Variants in GRM5 observed in about 807,000 individuals in gnomAD.
GRM5 encodes the protein glutamate metabotropic receptor 5, also known as metabotropic glutamate receptor 5.
GRM5 carries 19 observed loss-of-function variants against 83.1 expected under a neutral mutation model. The ratio of observed to expected loss-of-function variants is 0.23; its 90% confidence interval spans 0.16 to 0.34. The LOEUF (loss-of-function observed/expected upper bound fraction) is 0.34, where lower values mean the gene tolerates loss of function less well. Ranked by LOEUF, GRM5 falls within the 10% of genes least tolerant of loss-of-function variation. The pLI, the probability that GRM5 is intolerant of heterozygous loss-of-function variation, is 1.00. For missense variants in GRM5, 1,160 were observed against 1,588.3 expected, an observed-to-expected ratio of 0.73 and a Z score of 4.58; for synonymous variants, 675 against 633.6, an observed-to-expected ratio of 1.07 and a Z score of -0.98.
intron 3 of GRM5, among the ~76,000 whole-genome samples, chr11:88,785,530 T>G (rs1199725781): frequency 6.6e-6 from 1 of 152,064 alleles, no homozygotes; most frequent in Non-Finnish European, 1.5e-5. Context: ...GTTAAAATAA[T>G]TAGGCAGATG....
intron 3 of GRM5, among the ~76,000 whole-genome samples, chr11:88,787,894 T>C (rs142098189): frequency 2.6e-5 from 4 of 152,194 alleles, no homozygotes; most frequent in Non-Finnish European, 5.9e-5. Flanking sequence ...GAAAGGCTTA[T>C]GTGATATCCA....
chr11:88,672,105 C>A (rs1007556115), intron 3 of GRM5, among the ~76,000 whole-genome samples: 2 of 152,002 alleles, frequency 1.3e-5, no homozygotes, highest in South Asian at 2.1e-4. Context: ...ATCTTTAAGA[C>A]TGTCTTGGAG....
At chr11:88,922,785 G>A (rs1280553867) in intron 2 of GRM5, among the ~76,000 whole-genome samples, 1 of 152,104 alleles carries the variant, frequency 6.6e-6, no homozygotes, top group Non-Finnish European at 1.5e-5. Flanking sequence ...ACAAAGTGAA[G>A]AGACAACCCA....
chr11:88,569,630 C>G (rs1160799926), intron 7 of GRM5, among the ~76,000 whole-genome samples: 1 of 152,104 alleles, frequency 6.6e-6, no homozygotes, highest in African/African-American at 2.4e-5. Flanking sequence ...GGCTACAGCT[C>G]CAGCAGTTGT....
At chr11:88,674,595 C>T (rs1940276292) in intron 3 of GRM5, among the ~76,000 whole-genome samples, 1 of 151,844 alleles carries the variant, frequency 6.6e-6, no homozygotes, top group South Asian at 2.1e-4. Context: ...ACCATTGTTC[C>T]TCTAATTGTT....
At chr11:89,053,091 C>T (rs1437261572) in intron 1 of GRM5, among the ~76,000 whole-genome samples, 2 of 152,074 alleles carry the variant, frequency 1.3e-5, no homozygotes, top group African/African-American at 2.4e-5. Flanking sequence ...CACCCAGACA[C>T]AATTTGAACA....
chr11:88,849,747 T>C (rs1944357530), intron 3 of GRM5, among the ~76,000 whole-genome samples, 159 bp downstream of exon 3: 1 of 152,204 alleles, frequency 6.6e-6, no homozygotes, highest in African/African-American at 2.4e-5. Flanking sequence ...TTATTTTCCA[T>C]GATTTTCTCC....
intron 2 of GRM5, among the ~76,000 whole-genome samples, chr11:88,944,042 C>T (rs1198702124): frequency 6.6e-6 from 1 of 151,832 alleles, no homozygotes; most frequent in African/African-American, 2.4e-5. Context: ...AATAGATGAT[C>T]CTAAAGTTGT....
In GRM5 at chr11:88,973,400, T is replaced by C. The variant is rs182846228; in HGVS notation, c.661+73812A>G. Among the ~76,000 whole-genome samples the C allele has an allele frequency of 7.7e-3, 1,165 of 152,264 alleles. 10 individuals are homozygous for C. Among genetic ancestry groups the C allele is most frequent in the Non-Finnish European group, 0.014 (949 of 68,006 alleles). On this transcript the variant is annotated intron_variant, in intron 2 of 9. Coordinates refer to ENST00000305447, the MANE Select transcript of GRM5 (RefSeq NM_001143831.3). ...TAATGATTTTGAGACTGGGAGATTA[T>C]CTTGGATTGTTCAGGTGGGCCCTAA...
chr11:88,938,684 T>C (rs531233293), intron 2 of GRM5, among the ~76,000 whole-genome samples: 1 of 151,654 alleles, frequency 6.6e-6, no homozygotes, highest in Admixed American at 6.6e-5. Flanking sequence ...ACACTGTTTA[T>C]CTACTCACTG....
At chr11:89,061,363 A>G (rs1308216235) in intron 1 of GRM5, among the ~76,000 whole-genome samples, 1 of 152,182 alleles carries the variant, frequency 6.6e-6, no homozygotes, top group Admixed American at 6.6e-5. Flanking sequence ...CATTTTATTG[A>G]CACTTAATTT....
At chr11:88,687,346 T>G (rs78415435) in intron 3 of GRM5, among the ~76,000 whole-genome samples, 21,774 of 147,102 alleles carry the variant, frequency 0.15, 2,007 homozygotes, top group Middle Eastern at 0.22. Context: ...GCATGGTGGC[T>G]GGTGCCTGTA....
chr11:88,826,597 A>T (rs1348672430), intron 3 of GRM5, among the ~76,000 whole-genome samples: 1 of 152,166 alleles, frequency 6.6e-6, no homozygotes, highest in Admixed American at 6.6e-5. Flanking sequence ...CCATCTGGAC[A>T]TATTGTCACT....
At chr11:89,059,027 A>G (rs1038741650) in intron 1 of GRM5, among the ~76,000 whole-genome samples, 10 of 152,136 alleles carry the variant, frequency 6.6e-5, no homozygotes, top group Non-Finnish European at 1.5e-4. Flanking sequence ...ATTTTTGATT[A>G]TTCTTCTGTA....
chr11:88,528,422 A>G (rs1283579251), intron 8 of GRM5, among the ~76,000 whole-genome samples: 2 of 152,088 alleles, frequency 1.3e-5, no homozygotes, highest in Non-Finnish European at 2.9e-5. Flanking sequence ...CCCATTTACC[A>G]GTAATGTGCT....
chr11:88,674,163 A>C (rs1359064671), intron 3 of GRM5, among the ~76,000 whole-genome samples: 2 of 151,820 alleles, frequency 1.3e-5, no homozygotes, highest in Non-Finnish European at 2.9e-5. Context: ...GCTGCATTTG[A>C]GATGGTTGAC....
chr11:88,624,087 T>C (rs1170273854), intron 4 of GRM5, among the ~76,000 whole-genome samples: 2 of 152,180 alleles, frequency 1.3e-5, no homozygotes, highest in Non-Finnish European at 2.9e-5. Context: ...CTCTATTCAG[T>C]GTTTGATGGG....
chr11:88,901,307 T>C (rs891500911), intron 2 of GRM5, among the ~76,000 whole-genome samples: 1 of 152,190 alleles, frequency 6.6e-6, no homozygotes, highest in East Asian at 1.9e-4. Context: ...CATATATTAA[T>C]TCACTTAGTT....
At chr11:88,962,812 C>T (rs199726255) in intron 2 of GRM5, among the ~76,000 whole-genome samples, 1 of 152,218 alleles carries the variant, frequency 6.6e-6, no homozygotes, top group East Asian at 1.9e-4. Context: ...ACTTACCATC[C>T]CAGCACGGTA....
Sources: allele counts gnomAD v4.1 joint callset (sites outside exome capture counted in the v4.1 genomes callset), GRCh38; gene constraint gnomAD v4.1.1; transcripts MANE v1.5; gene names NCBI Gene and HGNC (gene_info 2026-07-23, HGNC 2026-07-21).